Variants in MAP3K20 observed in about 807,000 individuals in gnomAD.
The protein encoded by MAP3K20 is HCCS-4.
Under a neutral mutation model 85.7 loss-of-function variants are expected in MAP3K20, and 40 were observed. That is an observed-to-expected ratio of 0.47 (90% CI 0.36 to 0.61). The LOEUF is 0.61. Among genes scored for constraint, MAP3K20 ranks in the 20% least tolerant of loss-of-function variants. The probability of loss-of-function intolerance (pLI) is 0.00; values close to 1 mark genes in which losing one functional copy is unlikely to be tolerated. For missense variants in MAP3K20, 817 were observed against 961.7 expected, an observed-to-expected ratio of 0.85 and a Z score of 1.99; for synonymous variants, 325 against 327.7, an observed-to-expected ratio of 0.99 and a Z score of 0.09.
At chr2:173,164,178 T>C (rs1689747409) in intron 2 of MAP3K20, among the ~76,000 whole-genome samples, 1 of 152,170 alleles carries the variant, frequency 6.6e-6, no homozygotes, top group Non-Finnish European at 1.5e-5. Flanking sequence ...CAGGCTGGTC[T>C]CCAACTCCTG....
chr2:173,097,910 T>C lies in MAP3K20; in HGVS notation c.159+6720T>C, dbSNP rs547528125. Among the ~76,000 whole-genome samples, 68 of 152,320 alleles carry C rather than the reference T, an allele frequency of 4.5e-4. No individual in the cohort carries two copies. In the South Asian group the frequency reaches 7.5e-3, roughly 17 times the overall value. On this transcript the variant is annotated intron_variant, in intron 2 of 19. Transcript: ENST00000375213. Reference sequence around the variant, plus strand: ...ATCAATATGATATCGTTTAGTGATTTATGGAAGGCTAGTTAAATGTTATCA... The same window carrying C: ...ATCAATATGATATCGTTTAGTGATTCATGGAAGGCTAGTTAAATGTTATCA...
chr2:173,148,847 T>C (rs1475605122), intron 2 of MAP3K20, among the ~76,000 whole-genome samples: 3 of 152,260 alleles, frequency 2.0e-5, no homozygotes, highest in Non-Finnish European at 2.9e-5. Flanking sequence ...TGTTCGATGA[T>C]GAAGGGAAAC....
rs927014484 is a variant in MAP3K20 at position 173,238,536 on chromosome 2, A to C, written c.1266+101A>C. ...TGCCAATGTCAGTAATGGTTGTTTG[A>C]AGTGAAATTTCATCATATCTGTCTA... On this transcript the variant is annotated intron_variant, in intron 15 of 19. Transcript: ENST00000375213. 11 of 1,090,070 alleles carry C rather than the reference A, an allele frequency of 1.0e-5. No individual in the cohort carries two copies. The Admixed American group carries it at 2.6e-4, about 26-fold the overall frequency. The allele number at this position is 1,090,070 out of a possible 1,614,324, so 67.5% of individuals were successfully genotyped here.
intron 16 of MAP3K20, among the ~76,000 whole-genome samples, chr2:173,247,832 T>A (rs538070458): frequency 6.6e-6 from 1 of 152,206 alleles, no homozygotes; most frequent in Non-Finnish European, 1.5e-5. Flanking sequence ...TGAGTTCTCA[T>A]GCAACAGAAA....
chr2:173,120,701 CTTTTTTTTTTTT>C (rs56084110), intron 2 of MAP3K20, among the ~76,000 whole-genome samples: 1 of 49,232 alleles, frequency 2.0e-5, no homozygotes, highest in South Asian at 1.2e-3. Flanking sequence ...ACTCTCACTT[CTTTTTTTTTTTT>C]TTTTTTTTTT....
intron 16 of MAP3K20, among the ~76,000 whole-genome samples, chr2:173,244,185 G>A (rs534313969): frequency 1.3e-5 from 2 of 152,284 alleles, no homozygotes; most frequent in East Asian, 3.9e-4. Context: ...GGCAACTAGA[G>A]AGATGATGTT....
chr2:173,081,586 T>G (rs1308483797), intron 1 of MAP3K20, among the ~76,000 whole-genome samples: 1 of 152,208 alleles, frequency 6.6e-6, no homozygotes, highest in African/African-American at 2.4e-5. Context: ...ACGATGGCTT[T>G]CAAGACAAAG....
intron 11 of MAP3K20, chr2:173,221,126 C>T (rs1684233201): frequency 4.1e-6 from 6 of 1,455,102 alleles, no homozygotes; most frequent in Non-Finnish European, 5.5e-6. Flanking sequence ...CTTTTTACTT[C>T]TGTCCTTTCT....
At chr2:173,193,015 C>T (rs1690708920) in intron 7 of MAP3K20, 1 of 152,144 alleles carries the variant, frequency 6.6e-6, no homozygotes, top group African/African-American at 2.4e-5. Flanking sequence ...CATGAAAAAG[C>T]CACTCTGTAT....
chr2:173,156,655 CCT>C (rs1185000169), intron 2 of MAP3K20, among the ~76,000 whole-genome samples: 1 of 152,180 alleles, frequency 6.6e-6, no homozygotes, highest in Non-Finnish European at 1.5e-5. Context: ...TCTAATGCTG[CCT>C]CTGATCTGAC....
intron 1 of MAP3K20, among the ~76,000 whole-genome samples, chr2:173,090,059 A>T (rs9636294): frequency 6.6e-6 from 1 of 152,074 alleles, no homozygotes; most frequent in Non-Finnish European, 1.5e-5. Context: ...TATAAACCAC[A>T]TAAAATAGTA....
At chr2:173,210,072 C>G (rs971068778) in intron 10 of MAP3K20, 1 of 471,972 alleles carries the variant, frequency 2.1e-6, no homozygotes, top group Admixed American at 3.6e-5. Flanking sequence ...AATATTGAGG[C>G]CGGTCGCGGT....
chr2:173,255,646 C>A (rs1009963714), intron 16 of MAP3K20, among the ~76,000 whole-genome samples: 1 of 151,894 alleles, frequency 6.6e-6, no homozygotes, highest in Non-Finnish European at 1.5e-5. Flanking sequence ...AGAGGAGGGT[C>A]TGATTTCTAG....
chr2:173,242,838 C>T (rs1374907321), intron 16 of MAP3K20, among the ~76,000 whole-genome samples: 2 of 150,868 alleles, frequency 1.3e-5, no homozygotes, highest in Admixed American at 1.3e-4. Context: ...TCCTGAGTAG[C>T]TGGGATTATA....
intron 2 of MAP3K20, among the ~76,000 whole-genome samples, chr2:173,154,248 A>G (rs1284178189): frequency 6.6e-6 from 1 of 152,110 alleles, no homozygotes; most frequent in African/African-American, 2.4e-5. Context: ...CAGTGGCATG[A>G]TCTCGGCTCA....
chr2:173,090,567 G>A, intron 1 of MAP3K20: 1 of 964,656 alleles, frequency 1.0e-6, no homozygotes. Context: ...TATATTTTGT[G>A]TGAAGTGAGT....
At chr2:173,246,224 A>G (rs7584891) in intron 16 of MAP3K20, among the ~76,000 whole-genome samples, 35,600 of 152,024 alleles carry the variant, frequency 0.23, 5,234 homozygotes, top group East Asian at 0.6. Context: ...TTCAGTCTAA[A>G]GGTCTAACTA....
At chr2:173,109,488 T>C (rs1054119998) in intron 2 of MAP3K20, among the ~76,000 whole-genome samples, 4 of 152,092 alleles carry the variant, frequency 2.6e-5, no homozygotes, top group East Asian at 3.8e-4. Context: ...TTTTTTTTTT[T>C]CTGTTTGTTT....
chr2:173,163,330 A>G (rs1689719371), intron 2 of MAP3K20, among the ~76,000 whole-genome samples: 2 of 152,232 alleles, frequency 1.3e-5, no homozygotes, highest in East Asian at 1.9e-4. Context: ...CTTTGTGTCC[A>G]TGTGTACTTA....
Sources: gnomAD v4.1 joint callset for allele counts (sites outside exome capture counted in the v4.1 genomes callset) on GRCh38, gnomAD v4.1.1 for gene constraint, MANE v1.5 for transcripts, NCBI Gene and HGNC (gene_info 2026-07-23, HGNC 2026-07-21) for gene names.